The following CSTPP1 variants were observed in gnomAD, a reference collection of about 807,000 sequenced individuals.
The protein encoded by CSTPP1 is centriolar satellite-associated tubulin polyglutamylase complex regulator 1, also known as UPF0705 protein C11orf49.
the CSTPP1 span, among the ~76,000 whole-genome samples, chr11:47,107,602 T>C: frequency 2.6e-5 from 4 of 152,324 alleles, no homozygotes; most frequent in Non-Finnish European, 5.9e-5. Flanking sequence ...TTGCCTTTTA[T>C]TTTCATGGTT....
chr11:46,971,431 A>G, the CSTPP1 span, among the ~76,000 whole-genome samples: 564 of 152,314 alleles, frequency 3.7e-3, 1 homozygote, highest in African/African-American at 0.013. Context: ...ATCTGACAAT[A>G]CATAACAGGA....
chr11:47,156,353 G>A, the CSTPP1 span, among the ~76,000 whole-genome samples: 8 of 152,242 alleles, frequency 5.3e-5, no homozygotes, highest in Admixed American at 3.9e-4. Context: ...TGGGCTGGGA[G>A]CATTACTGAC....
At chr11:46,968,461 A>G in the CSTPP1 span, among the ~76,000 whole-genome samples, 1 of 148,512 alleles carries the variant, frequency 6.7e-6, no homozygotes, top group Non-Finnish European at 1.5e-5. Context: ...CCAGAAATAG[A>G]CCAGTCTTAT....
At chr11:47,157,002 C>T in the CSTPP1 span, 22 of 1,613,142 alleles carry the variant, frequency 1.4e-5, no homozygotes, top group Middle Eastern at 3.3e-4. Flanking sequence ...CACACCCACA[C>T]CCCCACCCCC....
chr11:47,015,262 A>G, the CSTPP1 span, among the ~76,000 whole-genome samples: 2 of 151,888 alleles, frequency 1.3e-5, no homozygotes, highest in African/African-American at 4.8e-5. Flanking sequence ...AGGTCAGGAG[A>G]CTGAGACCAT....
the CSTPP1 span, among the ~76,000 whole-genome samples, chr11:47,083,897 AAATCTTCTAGG>A: frequency 8.5e-5 from 13 of 152,338 alleles, no homozygotes; most frequent in Non-Finnish European, 1.0e-4. Context: ...CATTATGAAT[AAATCTTCTAGG>A]AACATTTGTC....
chr11:47,065,445 A>C, the CSTPP1 span, among the ~76,000 whole-genome samples: 2 of 151,726 alleles, frequency 1.3e-5, no homozygotes, highest in Admixed American at 6.6e-5. Flanking sequence ...AGCCCAGCTA[A>C]TTTTTTATTT....
At chr11:46,959,088 G>T in the CSTPP1 span, among the ~76,000 whole-genome samples, 18 of 152,052 alleles carry the variant, frequency 1.2e-4, no homozygotes, top group African/African-American at 3.9e-4. Flanking sequence ...TAGATTTGAT[G>T]ATTTAAATTT....
the CSTPP1 span, among the ~76,000 whole-genome samples, chr11:47,022,347 T>C: frequency 6.7e-6 from 1 of 149,638 alleles, no homozygotes; most frequent in East Asian, 1.9e-4. Context: ...CTTTCATATC[T>C]TTCATATGTC....
chr11:47,035,860 T>C, the CSTPP1 span, among the ~76,000 whole-genome samples: 1 of 151,338 alleles, frequency 6.6e-6, no homozygotes, highest in Admixed American at 6.6e-5. Flanking sequence ...AATATATTTA[T>C]TGAAAAAAAA....
chr11:46,982,125 T>G, the CSTPP1 span, among the ~76,000 whole-genome samples: 1 of 152,102 alleles, frequency 6.6e-6, no homozygotes, highest in Admixed American at 6.6e-5. Context: ...TTTACTTTTT[T>G]TTTTAAATCT....
At chr11:47,135,871 T>G in the CSTPP1 span, among the ~76,000 whole-genome samples, 1 of 152,162 alleles carries the variant, frequency 6.6e-6, no homozygotes, top group Non-Finnish European at 1.5e-5. Flanking sequence ...AAGCAAGTAC[T>G]TGAAGTACAT....
the CSTPP1 span, among the ~76,000 whole-genome samples, chr11:47,056,185 T>C: frequency 2.0e-5 from 3 of 152,154 alleles, no homozygotes; most frequent in Non-Finnish European, 4.4e-5. Context: ...GGGCTTCATA[T>C]CCCTAGAATA....
At chr11:47,042,766 T>C in the CSTPP1 span, among the ~76,000 whole-genome samples, 3 of 152,216 alleles carry the variant, frequency 2.0e-5, no homozygotes, top group Admixed American at 6.5e-5. Flanking sequence ...TTAGGAACTT[T>C]TTTGTTTTAC....
the CSTPP1 span, among the ~76,000 whole-genome samples, chr11:47,011,841 G>C: frequency 6.6e-6 from 1 of 152,138 alleles, no homozygotes. Flanking sequence ...ATAAAAGTTG[G>C]TGTGAATATG....
At chr11:46,988,818 A>G in the CSTPP1 span, among the ~76,000 whole-genome samples, 3 of 152,190 alleles carry the variant, frequency 2.0e-5, no homozygotes, top group Non-Finnish European at 4.4e-5. Context: ...GTATCAAAAC[A>G]TATTATGTGC....
the CSTPP1 span, among the ~76,000 whole-genome samples, chr11:47,007,874 G>A: frequency 6.6e-6 from 1 of 152,164 alleles, no homozygotes; most frequent in African/African-American, 2.4e-5. Flanking sequence ...CTCAGGGAGG[G>A]CTGATTTTCA....
At chr11:47,080,863 G>A in the CSTPP1 span, among the ~76,000 whole-genome samples, 1 of 151,884 alleles carries the variant, frequency 6.6e-6, no homozygotes, top group Non-Finnish European at 1.5e-5. Context: ...ACAAAAATTG[G>A]CCAGGCATAG....
At chr11:46,996,127 A>C in the CSTPP1 span, among the ~76,000 whole-genome samples, 1 of 151,756 alleles carries the variant, frequency 6.6e-6, no homozygotes, top group Non-Finnish European at 1.5e-5. Context: ...TTCCATTTGC[A>C]TGGTAGATCT....
Sources: gnomAD v4.1 joint callset for allele counts (sites outside exome capture counted in the v4.1 genomes callset) on GRCh38, gnomAD v4.1.1 for gene constraint, MANE v1.5 for transcripts, NCBI Gene and HGNC (gene_info 2026-07-23, HGNC 2026-07-21) for gene names.